Variants in KCNH8 observed in about 807,000 individuals in gnomAD.
KCNH8 encodes potassium voltage-gated channel subfamily H member 8.
Under a neutral mutation model 103.6 loss-of-function variants are expected in KCNH8, and 70 were observed. The ratio of observed to expected loss-of-function variants is 0.68; its 90% confidence interval spans 0.56 to 0.82. The LOEUF (loss-of-function observed/expected upper bound fraction) is 0.82. Ranked by LOEUF, KCNH8 falls within the 40% of genes least tolerant of loss-of-function variation. KCNH8 has a pLI of 0.00. For missense variants in KCNH8, 1,217 were observed against 1,329.9 expected, an observed-to-expected ratio of 0.92 and a Z score of 1.32; for synonymous variants, 498 against 489.4, an observed-to-expected ratio of 1.02 and a Z score of -0.23.
At chr3:19,483,037 AT>A (rs146273945) in intron 11 of KCNH8, among the ~76,000 whole-genome samples, 28 of 148,576 alleles carry the variant, frequency 1.9e-4, no homozygotes, top group African/African-American at 3.0e-4. Flanking sequence ...TCAGGGGGCT[AT>A]TTTTTTTTTA....
intron 8 of KCNH8, among the ~76,000 whole-genome samples, chr3:19,449,251 A>T (rs1575078533): frequency 6.6e-6 from 1 of 150,960 alleles, no homozygotes; most frequent in East Asian, 2.0e-4. Context: ...CTGGAGGTTA[A>T]ATACTATCTG....
At chr3:19,265,828 A>G (rs1021595145) in intron 2 of KCNH8, among the ~76,000 whole-genome samples, 1 of 152,104 alleles carries the variant, frequency 6.6e-6, no homozygotes, top group Non-Finnish European at 1.5e-5. Flanking sequence ...ACTGGCTACA[A>G]TTATATTAAA....
At chr3:19,213,319 C>T (rs774158804) in intron 1 of KCNH8, among the ~76,000 whole-genome samples, 1 of 152,110 alleles carries the variant, frequency 6.6e-6, no homozygotes, top group Non-Finnish European at 1.5e-5. Flanking sequence ...TCCATATGCA[C>T]CTCATTCTGT....
At chr3:19,209,235 T>G (rs538550058) in intron 1 of KCNH8, among the ~76,000 whole-genome samples, 3 of 152,160 alleles carry the variant, frequency 2.0e-5, no homozygotes, top group Admixed American at 2.0e-4. Context: ...CATTATGCAT[T>G]TTTTACTTAA....
chr3:19,454,542 G>A (rs1248550169), intron 10 of KCNH8, among the ~76,000 whole-genome samples: 1 of 151,978 alleles, frequency 6.6e-6, no homozygotes, highest in Non-Finnish European at 1.5e-5. Flanking sequence ...TTTAAATTTA[G>A]GTGGCTAGCA....
intron 5 of KCNH8, among the ~76,000 whole-genome samples, chr3:19,362,659 TTTTG>T (rs1406910517): frequency 6.6e-6 from 1 of 152,054 alleles, no homozygotes; most frequent in Admixed American, 6.6e-5. Flanking sequence ...TTGTTTTTGT[TTTTG>T]TTTGTTGTTT....
At chr3:19,186,197 T>G (rs112674201) in intron 1 of KCNH8, among the ~76,000 whole-genome samples, 2,753 of 151,910 alleles carry the variant, frequency 0.018, 83 homozygotes, top group African/African-American at 0.062. Flanking sequence ...CCTCTCTGAT[T>G]GTCTAGGAGA....
Position 19,347,777 on chromosome 3 carries a change from A to C in KCNH8, c.623A>C (p.Lys208Thr). 1 of 1,613,218 alleles carries C rather than the reference A, an allele frequency of 6.2e-7. No homozygotes were observed. Among genetic ancestry groups the C allele is most frequent in the South Asian group, 1.1e-5 (1 of 91,062 alleles). ...AFPEYKVSDA[K>T]KSKFILLHFS... ...CCGGAGTATAAAGTTTCTGATGCAAAAAAGTCCAAATTCATACTTCTGCAT... is the reference window on the plus strand; with the variant it reads ...CCGGAGTATAAAGTTTCTGATGCAACAAAGTCCAAATTCATACTTCTGCAT... The change falls in exon 5 of 16, where the codon AAA becomes ACA. Residue 208 changes from lysine (K) to threonine (T), a missense_variant. Lys to Thr is a moderately conservative substitution (Grantham distance 78). Transcript: ENST00000328405.
intron 11 of KCNH8, among the ~76,000 whole-genome samples, chr3:19,497,898 C>A (rs2068478782): frequency 6.7e-6 from 1 of 150,230 alleles, no homozygotes; most frequent in Admixed American, 6.6e-5. Flanking sequence ...TCTCCAAAAA[C>A]TTCTTTATGA....
chr3:19,347,638 A>G (rs1262459927), intron 4 of KCNH8, 87 bp from the exon 5 acceptor site: 1 of 1,482,418 alleles, frequency 6.7e-7, no homozygotes, highest in Non-Finnish European at 9.2e-7. Context: ...GAATGATCCT[A>G]CTCACAAAAG....
chr3:19,189,830 A>C (rs574090594), intron 1 of KCNH8, among the ~76,000 whole-genome samples: 1 of 152,070 alleles, frequency 6.6e-6, no homozygotes, highest in Non-Finnish European at 1.5e-5. Flanking sequence ...ATTCCATCAC[A>C]TATCAGTTGC....
intron 11 of KCNH8, among the ~76,000 whole-genome samples, chr3:19,481,037 C>T (rs556088260): frequency 1.9e-4 from 29 of 152,242 alleles, no homozygotes; most frequent in Non-Finnish European, 3.5e-4. Flanking sequence ...TTCAAAATAA[C>T]ATTGTGCCAA....
intron 14 of KCNH8, 29 bp downstream of exon 14, chr3:19,515,457 G>T: frequency 8.6e-7 from 1 of 1,163,524 alleles, no homozygotes; most frequent in Non-Finnish European, 1.2e-6. Flanking sequence ...CTTCTCCTAA[G>T]GTAAAATATT....
intron 1 of KCNH8, among the ~76,000 whole-genome samples, chr3:19,221,174 T>G (rs1182117271): frequency 1.3e-5 from 2 of 152,222 alleles, no homozygotes; most frequent in Non-Finnish European, 2.9e-5. Flanking sequence ...CTTAAATAGT[T>G]TGCAGTAATT....
Position 19,451,557 on chromosome 3 carries a change from G to A in KCNH8, c.1825+153G>A, listed in dbSNP as rs781102080. Among the ~76,000 whole-genome samples the A allele has an allele frequency of 5.1e-4, 77 of 152,122 alleles. 2 individuals carry two copies. Among genetic ancestry groups the A allele is most frequent in the Non-Finnish European group, 2.1e-4 (14 of 68,014 alleles). On this transcript the variant is annotated intron_variant, in intron 10 of 15. Coordinates refer to ENST00000328405, the MANE Select transcript of KCNH8 (RefSeq NM_144633.3). The stretch of plus-strand genomic sequence containing the variant: ...CCTCATATGAGTTTAGTGTGCCTAT[G>A]TGTTATATCCAACATATTATTTAAT...
intron 2 of KCNH8, among the ~76,000 whole-genome samples, chr3:19,273,482 G>C (rs1420147530): frequency 6.6e-6 from 1 of 152,104 alleles, no homozygotes; most frequent in Admixed American, 6.5e-5. Context: ...CCATAAGTCA[G>C]ACATTAATTG....
At chr3:19,220,021 A>G (rs2063856978) in intron 1 of KCNH8, among the ~76,000 whole-genome samples, 2 of 152,304 alleles carry the variant, frequency 1.3e-5, no homozygotes, top group South Asian at 4.1e-4. Flanking sequence ...TAATAATCAC[A>G]TCAAGGTCTC....
intron 3 of KCNH8, among the ~76,000 whole-genome samples, chr3:19,340,359 T>TA (rs1553639404): frequency 6.5e-4 from 41 of 63,380 alleles, no homozygotes; most frequent in African/African-American, 2.3e-3. Context: ...TTTTTTTAAT[T>TA]TTTTTTTTTT....
chr3:19,477,829 T>C (rs2068008162), intron 11 of KCNH8, among the ~76,000 whole-genome samples: 1 of 152,306 alleles, frequency 6.6e-6, no homozygotes, highest in South Asian at 2.1e-4. Context: ...TACATTCATA[T>C]ATTGCATAGT....
Sources: allele counts gnomAD v4.1 joint callset (sites outside exome capture counted in the v4.1 genomes callset), GRCh38; gene constraint gnomAD v4.1.1; transcripts MANE v1.5; gene names NCBI Gene and HGNC (gene_info 2026-07-23, HGNC 2026-07-21).